Variants in SLC24A2 observed in about 807,000 individuals in gnomAD.
SLC24A2 encodes the protein sodium/potassium/calcium exchanger 2.
Under a neutral mutation model 62.0 loss-of-function variants are expected in SLC24A2, and 36 were observed. The observed-to-expected ratio is 0.58, with a 90% CI of 0.44 to 0.77. SLC24A2 has a LOEUF of 0.77. SLC24A2 is among the 30% of genes least tolerant of loss of function. SLC24A2 has a pLI of 0.00. For missense variants in SLC24A2, 846 were observed against 817.9 expected (o/e 1.03, Z -0.42); for synonymous variants, 358 against 294.0 (o/e 1.22, Z -2.23).
At position 19,544,695 on chromosome 9, in the gene SLC24A2, G is replaced by T. The variant is rs530509012; in HGVS notation, c.1479+5442C>A. On this transcript the variant is annotated intron_variant, in intron 8 of 10. Transcript: ENST00000341998. ...ATTTCTCCTTCACTTACGAAACTGAGTTTGCCTGGATATGAAATTCTGGGT... is the reference window on the plus strand; with the variant it reads ...ATTTCTCCTTCACTTACGAAACTGATTTTGCCTGGATATGAAATTCTGGGT... Among the ~76,000 whole-genome samples the T allele has an allele frequency of 5.3e-5, 8 of 152,244 alleles. No homozygotes were observed. The South Asian group carries it at 1.5e-3, about 28-fold the overall frequency.
intron 2 of SLC24A2, among the ~76,000 whole-genome samples, chr9:19,642,434 G>C (rs1818523668): frequency 1.3e-5 from 2 of 152,110 alleles, no homozygotes; most frequent in Non-Finnish European, 2.9e-5. Context: ...TATGAATTTA[G>C]CATCCATGGC....
chr9:19,873,329 T>C, the SLC24A2 span, among the ~76,000 whole-genome samples: 1 of 151,940 alleles, frequency 6.6e-6, no homozygotes, highest in East Asian at 1.9e-4. Context: ...CTTCTCTTTC[T>C]TTCTTCTTTT....
the SLC24A2 span, among the ~76,000 whole-genome samples, chr9:19,855,688 G>C: frequency 6.6e-6 from 1 of 152,268 alleles, no homozygotes; most frequent in East Asian, 1.9e-4. Context: ...CCTTTTGTAG[G>C]TGTCCTGCCT....
the SLC24A2 span, among the ~76,000 whole-genome samples, chr9:19,903,626 G>T: frequency 2.0e-5 from 3 of 152,168 alleles, no homozygotes; most frequent in Non-Finnish European, 4.4e-5. Flanking sequence ...AGCACTTTAT[G>T]ATCCTCAGTT....
At position 19,667,501 on chromosome 9, in the gene SLC24A2, A is replaced by G. The variant is rs958585181; in HGVS notation, c.931-45202T>C. Among the ~76,000 whole-genome samples the G allele has an allele frequency of 1.3e-4, 19 of 151,892 alleles. 1 individual carries two copies. Among genetic ancestry groups the G allele is most frequent in the African/African-American group, 4.6e-4 (19 of 41,348 alleles). ...CAGCTCCTTCCTTCTTTCCACCCCT[A>G]TGTTTGCTCCCTGGACCAAGTGTTC... is the stretch of plus-strand genomic sequence containing the variant. On this transcript the variant is annotated intron_variant, in intron 2 of 10. Transcript: ENST00000341998.
At chr9:20,300,779 T>C in the SLC24A2 span, among the ~76,000 whole-genome samples, 1 of 152,228 alleles carries the variant, frequency 6.6e-6, no homozygotes, top group African/African-American at 2.4e-5. Context: ...CTGGAACTTA[T>C]TAAAGACTCT....
rs1432846254 is a variant in SLC24A2 at position 19,599,205 on chromosome 9, TATC to T, written c.1079-1929_1079-1927del. ...AATAAATACATTCATATTGTTTAAT[TATC>T]ATTTTATTTGTACATAGTTGGAATT... On this transcript the variant is annotated intron_variant, in intron 4 of 10. Coordinates refer to ENST00000341998, the MANE Select transcript of SLC24A2 (RefSeq NM_020344.4). This position sits in a 1 kb window ranked among gnomAD's most constrained non-coding sequence, Gnocchi z 4.5. 6.6e-6 allele frequency among the ~76,000 whole-genome samples: 1 copy of T among 152,206 alleles called. No individual in the cohort carries two copies. The highest frequency in any genetic ancestry group is 1.5e-5 in the Non-Finnish European group (1 of 68,044).
At chr9:20,260,750 C>A in the SLC24A2 span, among the ~76,000 whole-genome samples, 2 of 151,712 alleles carry the variant, frequency 1.3e-5, no homozygotes, top group Admixed American at 6.6e-5. Flanking sequence ...GTGCACCTAT[C>A]ACCGGAAGAG....
intron 2 of SLC24A2, among the ~76,000 whole-genome samples, chr9:19,770,243 G>A (rs75118820): frequency 0.016 from 2,359 of 151,832 alleles, 70 homozygotes; most frequent in African/African-American, 0.052. Context: ...CTATTTGGCC[G>A]TTCAAAAGTT....
intron 2 of SLC24A2, among the ~76,000 whole-genome samples, chr9:19,722,974 T>C (rs1821071530): frequency 6.6e-6 from 1 of 152,098 alleles, no homozygotes; most frequent in South Asian, 2.1e-4. Context: ...CCTCTGAAAG[T>C]AATGAAATTC....
At chr9:19,988,748 T>C in the SLC24A2 span, among the ~76,000 whole-genome samples, 6 of 152,292 alleles carry the variant, frequency 3.9e-5, no homozygotes, top group East Asian at 1.9e-4. Flanking sequence ...GAGAAACACG[T>C]TGACACACAC....
chr9:20,075,268 A>C, the SLC24A2 span, among the ~76,000 whole-genome samples: 14 of 152,218 alleles, frequency 9.2e-5, no homozygotes, highest in Non-Finnish European at 1.6e-4. Context: ...AGTGCTTTAC[A>C]TATTTTATCT....
chr9:19,545,329 A>C (rs1478185106), intron 8 of SLC24A2, among the ~76,000 whole-genome samples: 1 of 152,084 alleles, frequency 6.6e-6, no homozygotes, highest in East Asian at 1.9e-4. Context: ...CAATTCGCGT[A>C]ACCTTTTTTC....
chr9:19,768,905 T>C (rs1294770048), intron 2 of SLC24A2, among the ~76,000 whole-genome samples: 1 of 152,186 alleles, frequency 6.6e-6, no homozygotes, highest in Non-Finnish European at 1.5e-5. Flanking sequence ...TTCAATGCTA[T>C]GAATCCCAGG....
At chr9:19,570,708 T>G (rs1242677673) in intron 7 of SLC24A2, among the ~76,000 whole-genome samples, 1 of 152,212 alleles carries the variant, frequency 6.6e-6, no homozygotes, top group Non-Finnish European at 1.5e-5. Flanking sequence ...TTATGATAGC[T>G]GCAATGAAGC....
the SLC24A2 span, among the ~76,000 whole-genome samples, chr9:19,909,287 A>G: frequency 6.6e-6 from 1 of 151,906 alleles, no homozygotes; most frequent in Non-Finnish European, 1.5e-5. Context: ...AACAATGAGA[A>G]CACATGGACA....
At chr9:20,111,171 C>A in the SLC24A2 span, among the ~76,000 whole-genome samples, 1 of 152,286 alleles carries the variant, frequency 6.6e-6, no homozygotes, top group South Asian at 2.1e-4. Flanking sequence ...TGCCCTACTG[C>A]ATTTGGTTCG....
At chr9:20,270,429 C>T in the SLC24A2 span, among the ~76,000 whole-genome samples, 1 of 152,150 alleles carries the variant, frequency 6.6e-6, no homozygotes, top group Non-Finnish European at 1.5e-5. Context: ...CTATTCATGA[C>T]AAGCCTTGTT....
At chr9:20,254,527 T>A in the SLC24A2 span, among the ~76,000 whole-genome samples, 1 of 152,204 alleles carries the variant, frequency 6.6e-6, no homozygotes, top group African/African-American at 2.4e-5. Flanking sequence ...CAATTACTTG[T>A]GGTAGAGTCA....
Sources: allele counts gnomAD v4.1 joint callset (sites outside exome capture counted in the v4.1 genomes callset), GRCh38; gene constraint gnomAD v4.1.1; non-coding constraint Gnocchi (gnomAD v3.1); transcripts MANE v1.5; gene names NCBI Gene and HGNC (gene_info 2026-07-23, HGNC 2026-07-21).